KY: variants seen among roughly 807,000 people sequenced by gnomAD.
KY encodes the protein kyphoscoliosis peptidase.
KY carries 43 observed loss-of-function variants against 76.1 expected under a neutral mutation model. The observed-to-expected ratio is 0.57, with a 90% CI of 0.44 to 0.73. The LOEUF (loss-of-function observed/expected upper bound fraction) is 0.73, where lower values mean the gene tolerates loss of function less well. Among genes scored for constraint, KY ranks in the 30% least tolerant of loss-of-function variants. The probability of loss-of-function intolerance (pLI) is 0.00; values close to 1 mark genes in which losing one functional copy is unlikely to be tolerated. For synonymous variants in KY, 277 were observed against 326.2 expected (o/e 0.85, Z 1.63); for missense variants, 722 against 828.9 (o/e 0.87, Z 1.58).
intron 10 of KY, chr3:134,607,853 G>T: frequency 1.0e-6 from 1 of 988,272 alleles, no homozygotes; most frequent in Non-Finnish European, 1.2e-6. Context: ...CCTCCAGAAG[G>T]GAGGGGTACT....
chr3:134,647,298 T>C, intron 2 of KY, 137 bp downstream of exon 2: 1 of 687,666 alleles, frequency 1.5e-6, no homozygotes, highest in South Asian at 1.7e-5. Flanking sequence ...CTTAGAGGCC[T>C]GGCTGGGTCA....
rs1366706753 is a variant in KY at position 134,622,227 on chromosome 3, A to G, written c.484-1370T>C. Among the ~76,000 whole-genome samples the G allele has an allele frequency of 2.6e-5, 4 of 152,326 alleles. No homozygotes were observed. The South Asian group carries it at 6.2e-4, about 24-fold the overall frequency. On this transcript the variant is annotated intron_variant, in intron 6 of 10. Transcript: ENST00000423778. ...CAGTCCAAGGTACGCAACCAAAAAA[A>G]CCGAAGGCAGAGACTCAAACAGACA... is the stretch of plus-strand genomic sequence containing the variant.
In KY at chr3:134,650,924, C is replaced by A. The variant is rs371963154; in HGVS notation, c.37G>T (p.Asp13Tyr). The A allele has an allele frequency of 6.2e-7, 1 of 1,613,326 alleles. No homozygotes were observed. The highest frequency in any genetic ancestry group is 2.2e-5 in the East Asian group (1 of 44,828). The change falls in exon 1 of 11, where the codon GAC becomes TAC. Residue 13 changes from aspartate to tyrosine, a missense_variant. Asp to Tyr is a radical substitution (Grantham distance 160). Coordinates refer to ENST00000423778, the MANE Select transcript of KY (RefSeq NM_178554.6). ...TCCGAGTGCACGATCAGCAGCATGT[C>A]GATAGATACAGCGTTGATGTCCTTC... ...LKKDINAVSIDMLLIVHSEKR... is the reference protein window; with the variant it reads ...LKKDINAVSIYMLLIVHSEKR...
At chr3:134,629,005 T>C (rs1963858005) in intron 4 of KY, among the ~76,000 whole-genome samples, 1 of 152,196 alleles carries the variant, frequency 6.6e-6, no homozygotes, top group South Asian at 2.1e-4. Context: ...CCTGCATTCT[T>C]CCTGAGGTCC....
chr3:134,635,325 C>T (rs545632599), intron 3 of KY, among the ~76,000 whole-genome samples: 1 of 151,698 alleles, frequency 6.6e-6, no homozygotes, highest in African/African-American at 2.4e-5. Flanking sequence ...GGTGAAACCC[C>T]ATCTCTACTA....
chr3:134,607,548 C>T (rs1442974354), intron 10 of KY: 26 of 985,542 alleles, frequency 2.6e-5, no homozygotes, highest in Admixed American at 6.1e-5. Context: ...TGGACTGACC[C>T]GACTTACAGG....
At chr3:134,619,299 G>C in intron 7 of KY, 34 bp from the exon 8 acceptor site, 1 of 1,542,070 alleles carries the variant, frequency 6.5e-7, no homozygotes, top group Non-Finnish European at 9.0e-7. Context: ...TGAAGAGCTT[G>C]AGCCTGGGAG....
Position 134,601,173 on chromosome 3 carries a change from A to AT in KY, c.*2405dup, listed in dbSNP as rs765924979. On this transcript the variant is annotated 3_prime_UTR_variant, in exon 11 of 11. Coordinates refer to ENST00000423778, the MANE Select transcript of KY (RefSeq NM_178554.6). ...ATGAAGATTAGATTTCATTTCATGT[A>AT]TTTTTACTTCAGTGGAAAGAAATGC... 3.3e-5 allele frequency: 5 copies of AT among 152,080 alleles called. No homozygotes were observed. Among genetic ancestry groups the AT allele is most frequent in the African/African-American group, 4.8e-5 (2 of 41,406 alleles). 9.4% of individuals were successfully genotyped at this position (152,080 alleles called of 1,614,324 possible). A position where few individuals can be genotyped will look rare whatever the true frequency, so the allele number is the denominator to read the frequency against.
intron 7 of KY, 60 bp from the exon 8 acceptor site, chr3:134,619,325 C>T: frequency 7.9e-7 from 1 of 1,268,918 alleles, no homozygotes; most frequent in Non-Finnish European, 1.2e-6. Flanking sequence ...AAGACTCCAC[C>T]CCAACCCCCA....
chr3:134,610,447 T>C (rs1960171723), intron 8 of KY, 64 bp from the exon 9 acceptor site: 12 of 1,431,836 alleles, frequency 8.4e-6, no homozygotes, highest in Admixed American at 4.0e-5. Context: ...AGTCTGTCCA[T>C]GGTCTCAGGT....
intron 5 of KY, among the ~76,000 whole-genome samples, chr3:134,626,564 G>A (rs1163747360): frequency 6.6e-6 from 1 of 152,188 alleles, no homozygotes; most frequent in Non-Finnish European, 1.5e-5. Context: ...AGGTGCATTT[G>A]CCCACACGTC....
chr3:134,648,315 C>G (rs1011297842), intron 1 of KY, among the ~76,000 whole-genome samples: 1 of 152,126 alleles, frequency 6.6e-6, no homozygotes, highest in Non-Finnish European at 1.5e-5. Context: ...ACTCAGGGGC[C>G]GCCACTCTCT....
At chr3:134,650,406 C>G (rs531865303) in intron 1 of KY, among the ~76,000 whole-genome samples, 3 of 152,168 alleles carry the variant, frequency 2.0e-5, no homozygotes, top group Admixed American at 6.5e-5. Context: ...CTGACTCAGC[C>G]CAAAGGTTTC....
At chr3:134,610,103 G>C (rs1313612561) in intron 9 of KY, 92 bp downstream of exon 9, 9 of 1,378,708 alleles carry the variant, frequency 6.5e-6, no homozygotes, top group Non-Finnish European at 7.0e-6. Context: ...TTCCCCTCCC[G>C]CTTGGTCTTC....
chr3:134,647,527 G>C (rs781743599), intron 1 of KY, 30 bp from the exon 2 acceptor site: 7 of 1,417,636 alleles, frequency 4.9e-6, no homozygotes, highest in Non-Finnish European at 7.0e-6. Context: ...TCTGAGGTGG[G>C]AGACTCAGGG....
At chr3:134,637,622 C>T (rs1457334348) in intron 3 of KY, among the ~76,000 whole-genome samples, 2 of 152,224 alleles carry the variant, frequency 1.3e-5, no homozygotes, top group Non-Finnish European at 1.5e-5. Context: ...CAACAAATCT[C>T]TTCCCCAAAC....
At chr3:134,637,971 T>G (rs1965211590) in intron 3 of KY, among the ~76,000 whole-genome samples, 1 of 152,198 alleles carries the variant, frequency 6.6e-6, no homozygotes. Context: ...TGATTCCTCT[T>G]CCCTCTTGGA....
chr3:134,627,784 G>T lies in KY; in HGVS notation c.372C>A (p.Pro124=). The T allele has an allele frequency of 6.2e-7, 1 of 1,613,848 alleles. No homozygotes were observed. Among genetic ancestry groups the T allele is most frequent in the Non-Finnish European group, 8.5e-7 (1 of 1,179,804 alleles). Residue 124 remains proline, a synonymous_variant, in exon 5 of 11, where the codon CCC becomes CCA. Coordinates refer to ENST00000423778, the MANE Select transcript of KY (RefSeq NM_178554.6). ...GGGCATCTTTCCCTCCAGGTTGCCG[G>T]GGTCTTGTGTTTCCATTTTTATCAC... ...LQGDKNGNTR[P]RQPGGKDAHA...
intron 8 of KY, 179 bp from the exon 9 acceptor site, chr3:134,610,562 G>A: frequency 1.7e-6 from 1 of 601,642 alleles, no homozygotes; most frequent in Non-Finnish European, 2.9e-6. Context: ...GGGCACTGGG[G>A]ACAGGGAGAT....
Sources: allele counts gnomAD v4.1 joint callset (sites outside exome capture counted in the v4.1 genomes callset), GRCh38; gene constraint gnomAD v4.1.1; transcripts MANE v1.5; gene names NCBI Gene and HGNC (gene_info 2026-07-23, HGNC 2026-07-21).